PMM2: variants seen among roughly 807,000 people sequenced by gnomAD.
PMM2 encodes the protein phosphomannomutase 2, also known as mannose-6-phosphate isomerase.
A neutral mutation model predicts 33.2 loss-of-function variants in PMM2; 35 were observed. The observed-to-expected ratio is 1.06, with a 90% CI of 0.81 to 1.40. PMM2 has a LOEUF of 1.40. Among genes scored for constraint, PMM2 ranks in the 40% most tolerant of loss-of-function variants. The pLI, the probability that PMM2 is intolerant of heterozygous loss-of-function variation, is 0.00. For missense variants in PMM2, 386 were observed against 306.0 expected (o/e 1.26, Z -1.95); for synonymous variants, 153 against 114.7 (o/e 1.33, Z -2.13).
At chr16:8,829,811 C>T (rs1408206242) in intron 7 of PMM2, among the ~76,000 whole-genome samples, 2 of 152,218 alleles carry the variant, frequency 1.3e-5, no homozygotes, top group East Asian at 3.8e-4. Context: ...CAGCAATTCC[C>T]TTAGACATCT....
intron 2 of PMM2, chr16:8,802,287 C>T (rs761548421): frequency 2.2e-6 from 1 of 455,776 alleles, no homozygotes; most frequent in South Asian, 1.6e-5. Context: ...ATCACTGAAA[C>T]AGAATCTCCA....
At chr16:8,842,956 A>G (rs989286677) in intron 7 of PMM2, among the ~76,000 whole-genome samples, 3 of 152,076 alleles carry the variant, frequency 2.0e-5, no homozygotes, top group African/African-American at 7.2e-5. Flanking sequence ...GGGATATGAG[A>G]GGAAGACGCA....
chr16:8,840,595 G>A (rs975859898), intron 7 of PMM2, among the ~76,000 whole-genome samples: 2 of 152,016 alleles, frequency 1.3e-5, no homozygotes, highest in African/African-American at 4.8e-5. Context: ...AGGCTCATAA[G>A]GGTTATGACT....
chr16:8,817,228 T>C (rs767625184), intron 7 of PMM2, among the ~76,000 whole-genome samples: 7 of 152,376 alleles, frequency 4.6e-5, no homozygotes, highest in Non-Finnish European at 1.0e-4. Flanking sequence ...CAGTTACATA[T>C]GGTTTTATAA....
At chr16:8,827,332 GAAAAA>G (rs1163494929) in intron 7 of PMM2, among the ~76,000 whole-genome samples, 1 of 133,896 alleles carries the variant, frequency 7.5e-6, no homozygotes, top group African/African-American at 2.7e-5. Flanking sequence ...ATTCCTCGAA[GAAAAA>G]AAAAAAATCC....
At chr16:8,812,698 T>G (rs1278458733) in intron 6 of PMM2, among the ~76,000 whole-genome samples, 1 of 152,238 alleles carries the variant, frequency 6.6e-6, no homozygotes, top group Non-Finnish European at 1.5e-5. Context: ...TTCATAAGCA[T>G]GCTTCCTTTA....
intron 7 of PMM2, among the ~76,000 whole-genome samples, chr16:8,837,469 G>A: frequency 6.6e-6 from 1 of 151,814 alleles, no homozygotes; most frequent in South Asian, 2.1e-4. Context: ...GAAGGTGGAA[G>A]CTTGCCCATA....
In PMM2 at chr16:8,806,353, A is replaced by G; in HGVS notation, c.293A>G (p.Asp98Gly). 3 of 1,613,096 alleles carry G rather than the reference A, an allele frequency of 1.9e-6. No homozygotes were observed. The highest frequency in any genetic ancestry group is 2.5e-6 in the Non-Finnish European group (3 of 1,179,016). The change falls in exon 4 of 8, where the codon GAT becomes GGT. Residue 98 changes from aspartate (D) to glycine (G), a missense_variant. Asp to Gly is a moderately conservative substitution (Grantham distance 94, BLOSUM62 -1). Transcript: ENST00000268261. ...QSHLGEALIQ[D>G]LINYCLSYIA... The stretch of plus-strand genomic sequence containing the variant: ...CATCTGGGTGAGGCCCTAATCCAAG[A>G]TTTAATCAACTACTGTCTGAGCTAC...
intron 7 of PMM2, among the ~76,000 whole-genome samples, chr16:8,835,860 T>C (rs141141273): frequency 6.6e-6 from 1 of 151,866 alleles, no homozygotes; most frequent in South Asian, 2.1e-4. Context: ...TATCTTATAC[T>C]TGTGGGTTAA....
chr16:8,825,408 C>T (rs1291262844), intron 7 of PMM2, among the ~76,000 whole-genome samples: 1 of 152,050 alleles, frequency 6.6e-6, no homozygotes, highest in Non-Finnish European at 1.5e-5. Context: ...TCACTGCACC[C>T]TCCGCCTCCT....
intron 7 of PMM2, chr16:8,832,146 A>T: frequency 1.0e-6 from 1 of 985,426 alleles, no homozygotes; most frequent in Non-Finnish European, 1.2e-6. Flanking sequence ...AGCTCGACAC[A>T]GCCCCAAGAA....
intron 7 of PMM2, among the ~76,000 whole-genome samples, chr16:8,820,410 G>A (rs2060731824): frequency 6.7e-6 from 1 of 148,890 alleles, no homozygotes; most frequent in South Asian, 2.1e-4. Context: ...CTGGAGTGCA[G>A]TGGCGCAATC....
chr16:8,832,887 C>G (rs2060819278), intron 7 of PMM2: 1 of 985,442 alleles, frequency 1.0e-6, no homozygotes, highest in South Asian at 4.7e-5. Context: ...CCAGGGTTCC[C>G]TCACCCTCCA....
At chr16:8,804,967 TG>T in intron 3 of PMM2, 124 bp downstream of exon 3, 1 of 689,946 alleles carries the variant, frequency 1.4e-6, no homozygotes, top group Non-Finnish European at 2.6e-6. Flanking sequence ...CTGTATTTTT[TG>T]TTTTGCATTT....
At chr16:8,802,698 C>T (rs1326333483) in intron 2 of PMM2, among the ~76,000 whole-genome samples, 3 of 151,964 alleles carry the variant, frequency 2.0e-5, no homozygotes, top group Non-Finnish European at 4.4e-5. Flanking sequence ...GGCGTGATGA[C>T]GGGCACCTGT....
At chr16:8,812,816 T>C (rs2060684859) in intron 6 of PMM2, among the ~76,000 whole-genome samples, 175 bp from the exon 7 acceptor site, 1 of 152,328 alleles carries the variant, frequency 6.6e-6, no homozygotes, top group Non-Finnish European at 1.5e-5. Flanking sequence ...AAAAAAACAA[T>C]GTAGAATTAA....
chr16:8,827,865 T>TATATGA (rs2060784086), intron 7 of PMM2, among the ~76,000 whole-genome samples: 2 of 91,220 alleles, frequency 2.2e-5, no homozygotes, highest in African/African-American at 7.5e-5. Context: ...ATGTTATATA[T>TATATGA]TATATATATG....
chr16:8,845,364 CT>C (rs1250984057), intron 7 of PMM2, among the ~76,000 whole-genome samples: 2 of 152,090 alleles, frequency 1.3e-5, no homozygotes, highest in East Asian at 3.8e-4. Context: ...ATTTTTACTT[CT>C]TTTGTGGATC....
chr16:8,803,021 C>T (rs2060624892), intron 2 of PMM2, among the ~76,000 whole-genome samples: 1 of 152,086 alleles, frequency 6.6e-6, no homozygotes, highest in Admixed American at 6.6e-5. Flanking sequence ...GGGTCTTTAG[C>T]AACATCCCAG....
Sources: allele counts gnomAD v4.1 joint callset (sites outside exome capture counted in the v4.1 genomes callset), GRCh38; gene constraint gnomAD v4.1.1; transcripts MANE v1.5; gene names NCBI Gene and HGNC (gene_info 2026-07-23, HGNC 2026-07-21).